Variants in MARCHF1 observed in about 807,000 individuals in gnomAD.
The protein encoded by MARCHF1 is membrane associated ring-CH-type finger 1, also known as E3 ubiquitin-protein ligase MARCHF1.
Under a neutral mutation model 54.2 loss-of-function variants are expected in MARCHF1, and 40 were observed. The ratio of observed to expected loss-of-function variants is 0.74; its 90% confidence interval spans 0.57 to 0.96. MARCHF1 has a LOEUF of 0.96. Ranked by LOEUF, MARCHF1 falls within the 40% of genes least tolerant of loss-of-function variation. The pLI is 0.00. For synonymous variants in MARCHF1, 236 were observed against 236.3 expected, an observed-to-expected ratio of 1.00 and a Z score of 0.01; for missense variants, 586 against 656.5, an observed-to-expected ratio of 0.89 and a Z score of 1.17.
chr4:163,827,399 A>T (rs546072462), intron 4 of MARCHF1, among the ~76,000 whole-genome samples: 1 of 152,310 alleles, frequency 6.6e-6, no homozygotes, highest in East Asian at 1.9e-4. Context: ...CAATGACATT[A>T]TGAAAATAAA....
chr4:164,074,624 C>T (rs1754938335), intron 2 of MARCHF1, among the ~76,000 whole-genome samples: 2 of 151,700 alleles, frequency 1.3e-5, no homozygotes, highest in South Asian at 4.2e-4. Context: ...AAATGAAATA[C>T]CATGTAGTCA....
At chr4:163,932,494 CT>C (rs1214280767) in intron 3 of MARCHF1, 2 of 361,802 alleles carry the variant, frequency 5.5e-6, no homozygotes, top group Admixed American at 3.3e-5. Flanking sequence ...CAAATTCCAT[CT>C]CAACAAACTA....
intron 4 of MARCHF1, among the ~76,000 whole-genome samples, chr4:163,733,800 G>T (rs909307483): frequency 1.3e-5 from 2 of 152,006 alleles, no homozygotes. Context: ...ATTCATAAAA[G>T]AAAACAATAA....
At chr4:163,834,415 GA>G (rs1560778770) in intron 4 of MARCHF1, among the ~76,000 whole-genome samples, 1 of 152,040 alleles carries the variant, frequency 6.6e-6, no homozygotes, top group Non-Finnish European at 1.5e-5. Context: ...AGCATTATAA[GA>G]AAATAAAGCT....
intron 9 of MARCHF1, among the ~76,000 whole-genome samples, chr4:163,532,498 T>C (rs1738387023): frequency 1.3e-5 from 2 of 151,848 alleles, no homozygotes; most frequent in South Asian, 4.1e-4. Flanking sequence ...ATAAGAAAAT[T>C]CAGGTGACCA....
intron 4 of MARCHF1, among the ~76,000 whole-genome samples, chr4:163,702,850 C>T (rs548988159): frequency 1.2e-4 from 19 of 152,224 alleles, no homozygotes; most frequent in Admixed American, 3.9e-4. Context: ...CTTTTTGCCA[C>T]GGCTACGTTC....
At position 164,212,227 on chromosome 4, in the gene MARCHF1, A is replaced by G. The variant is rs193028308; in HGVS notation, c.-322-100565T>C. Among the ~76,000 whole-genome samples the G allele has an allele frequency of 1.4e-3, 220 of 152,324 alleles. 1 individual carries two copies. The highest frequency in any genetic ancestry group is 4.2e-3 in the Admixed American group (65 of 15,298). On this transcript the variant is annotated intron_variant, in intron 1 of 9. Coordinates refer to ENST00000514618, the MANE Select transcript of MARCHF1 (RefSeq NM_001394959.1). Reference sequence around the variant, plus strand: ...AAATATTTGCTCTGTCCTAAGGATTACACAAAGCTCTGGCACACATTTCTC... The same window carrying G: ...AAATATTTGCTCTGTCCTAAGGATTGCACAAAGCTCTGGCACACATTTCTC...
At chr4:163,609,560 CTG>C (rs1741255394) in intron 7 of MARCHF1, among the ~76,000 whole-genome samples, 1 of 151,856 alleles carries the variant, frequency 6.6e-6, no homozygotes, top group Admixed American at 6.6e-5. Flanking sequence ...GGTGACTACA[CTG>C]TGTATGTGAC....
chr4:164,313,293 G>A (rs1168841051), intron 1 of MARCHF1, among the ~76,000 whole-genome samples: 1 of 146,958 alleles, frequency 6.8e-6, no homozygotes, highest in Non-Finnish European at 1.5e-5. Flanking sequence ...AGCATCAAGT[G>A]AGCCCAGATC....
intron 3 of MARCHF1, among the ~76,000 whole-genome samples, chr4:163,940,107 T>C (rs1751881461): frequency 1.3e-5 from 2 of 152,066 alleles, no homozygotes; most frequent in South Asian, 4.1e-4. Context: ...GATAATACAA[T>C]GATAAGATGG....
At chr4:164,228,273 A>G (rs1343865991) in intron 1 of MARCHF1, among the ~76,000 whole-genome samples, 1 of 152,206 alleles carries the variant, frequency 6.6e-6, no homozygotes, top group East Asian at 1.9e-4. Context: ...TTGCTTTGCT[A>G]TCACTAAAAT....
chr4:164,048,880 C>T (rs1212338075), intron 2 of MARCHF1, among the ~76,000 whole-genome samples: 1 of 152,018 alleles, frequency 6.6e-6, no homozygotes. Context: ...ATCTAATCTG[C>T]CTTTACCTAT....
chr4:164,107,363 T>C (rs1579540823), intron 2 of MARCHF1, among the ~76,000 whole-genome samples: 2 of 152,208 alleles, frequency 1.3e-5, no homozygotes, highest in Admixed American at 1.3e-4. Context: ...ATTAATTTCT[T>C]TTCTTATTAA....
At chr4:164,215,511 T>G (rs1731904527) in intron 1 of MARCHF1, among the ~76,000 whole-genome samples, 1 of 152,140 alleles carries the variant, frequency 6.6e-6, no homozygotes, top group Non-Finnish European at 1.5e-5. Context: ...AATTCTTGTC[T>G]TCACCTAGGT....
At chr4:163,924,722 C>A (rs945856517) in intron 3 of MARCHF1, among the ~76,000 whole-genome samples, 5 of 151,768 alleles carry the variant, frequency 3.3e-5, no homozygotes, top group African/African-American at 7.2e-5. Flanking sequence ...CAAGGGTGCA[C>A]AACTAGTGGA....
chr4:163,573,980 T>C (rs1310035894), intron 8 of MARCHF1, among the ~76,000 whole-genome samples: 3 of 151,726 alleles, frequency 2.0e-5, no homozygotes, highest in African/African-American at 7.3e-5. Flanking sequence ...ACCTGTTGTT[T>C]CCTGACTTTT....
intron 3 of MARCHF1, among the ~76,000 whole-genome samples, chr4:163,898,448 T>C (rs1750864432): frequency 1.3e-5 from 2 of 152,046 alleles, no homozygotes; most frequent in African/African-American, 2.4e-5. Context: ...AACATCAATA[T>C]ACATCGGAGA....
At chr4:163,905,347 T>C (rs1751042118) in intron 3 of MARCHF1, among the ~76,000 whole-genome samples, 1 of 152,088 alleles carries the variant, frequency 6.6e-6, no homozygotes, top group Non-Finnish European at 1.5e-5. Flanking sequence ...TTGAGCCACA[T>C]ATGAATCTAG....
At chr4:163,627,730 A>G (rs561884227) in intron 5 of MARCHF1, among the ~76,000 whole-genome samples, 1 of 152,334 alleles carries the variant, frequency 6.6e-6, no homozygotes, top group South Asian at 2.1e-4. Context: ...ACCATAAAAT[A>G]CAATCTAACT....
Sources: gnomAD v4.1 joint callset for allele counts (sites outside exome capture counted in the v4.1 genomes callset) on GRCh38, gnomAD v4.1.1 for gene constraint, MANE v1.5 for transcripts, NCBI Gene and HGNC (gene_info 2026-07-23, HGNC 2026-07-21) for gene names.